ZFYVE26: variants seen among roughly 807,000 people sequenced by gnomAD.
ZFYVE26 encodes the protein zinc finger FYVE domain-containing protein 26.
ZFYVE26 carries 181 observed loss-of-function variants against 276.5 expected under a neutral mutation model. That is an observed-to-expected ratio of 0.65 (90% CI 0.58 to 0.74). The LOEUF is 0.74. Among genes scored for constraint, ZFYVE26 ranks in the 30% least tolerant of loss-of-function variants. The pLI, the probability that ZFYVE26 is intolerant of heterozygous loss-of-function variation, is 0.00. For missense variants in ZFYVE26, 2,821 were observed against 3,097.9 expected (o/e 0.91, Z 2.12); for synonymous variants, 1,129 against 1,203.1 (o/e 0.94, Z 1.27).
chr14:67,775,402 GC>G (rs1405394466), intron 26 of ZFYVE26, among the ~76,000 whole-genome samples: 39 of 152,334 alleles, frequency 2.6e-4, no homozygotes, highest in South Asian at 1.9e-3. Context: ...TTGAAATGAT[GC>G]CCCTGGAGAG....
chr14:67,729,968 T>G, intron 13 of ZFYVE26: 1 of 376,162 alleles, frequency 2.7e-6, no homozygotes, highest in East Asian at 7.2e-5. Context: ...GTTGTCCCGC[T>G]TTGTTCAAGG....
Position 67,767,787 on chromosome 14 carries a change from G to T in ZFYVE26, c.5707C>A (p.Pro1903Thr). Residue 1903 changes from proline (P) to threonine (T), a missense_variant, in exon 31 of 42, where the codon CCC becomes ACC. Coordinates refer to ENST00000347230, the MANE Select transcript of ZFYVE26 (RefSeq NM_015346.4). ...ATCCATTCCACCTCATCTGCTTTGGGGACTCTCACCACAAACGAGTATGGA... is the reference window on the plus strand; with the variant it reads ...ATCCATTCCACCTCATCTGCTTTGGTGACTCTCACCACAAACGAGTATGGA... ...SPPYSFVVRVPKADEVEWILD... is the reference protein window; with the variant it reads ...SPPYSFVVRVTKADEVEWILD... 6.2e-7 allele frequency: 1 copy of T among 1,614,074 alleles called. No homozygotes were observed. Among genetic ancestry groups the T allele is most frequent in the Non-Finnish European group, 8.5e-7 (1 of 1,180,032 alleles).
At chr14:67,733,252 G>T (rs2140161581) in intron 13 of ZFYVE26, among the ~76,000 whole-genome samples, 1 of 152,256 alleles carries the variant, frequency 6.6e-6, no homozygotes, top group South Asian at 2.1e-4. Context: ...TGGGGTTCAT[G>T]GTATGCAAGT....
chr14:67,776,049 G>C lies in ZFYVE26; in HGVS notation c.5032C>G (p.Pro1678Ala). The change falls in exon 26 of 42, where the codon CCC becomes GCC. Residue 1678 changes from proline (P) to alanine (A), a missense_variant. Transcript: ENST00000347230. ...RASYSHLSSN[P>A]LFMLEQLLMN... The stretch of plus-strand genomic sequence containing the variant: ...AGCAGCTGCTCCAGCATGAACAGGG[G>C]GTTAGAGGACAAGTGGGAATAGCTG... 6.2e-7 allele frequency: 1 copy of C among 1,614,246 alleles called. No homozygotes were observed. Among genetic ancestry groups the C allele is most frequent in the South Asian group, 1.1e-5 (1 of 91,084 alleles).
chr14:67,794,868 G>A (rs2039914793), intron 12 of ZFYVE26, among the ~76,000 whole-genome samples: 1 of 152,142 alleles, frequency 6.6e-6, no homozygotes, highest in South Asian at 2.1e-4. Context: ...AGGATTGTTT[G>A]AGCCCAGGAG....
At chr14:67,811,976 TA>T (rs2040312131) in intron 3 of ZFYVE26, among the ~76,000 whole-genome samples, 1 of 149,220 alleles carries the variant, frequency 6.7e-6, no homozygotes, top group African/African-American at 2.4e-5. Flanking sequence ...ATGAAATATA[TA>T]TTTTATATAT....
intron 14 of ZFYVE26, among the ~76,000 whole-genome samples, chr14:67,792,655 T>C (rs1230046337): frequency 1.3e-5 from 2 of 152,222 alleles, no homozygotes; most frequent in Non-Finnish European, 2.9e-5. Context: ...CTCATGCCTG[T>C]AATCCCAGCA....
chr14:67,805,087 T>G, intron 8 of ZFYVE26, 130 bp downstream of exon 8: 1 of 858,146 alleles, frequency 1.2e-6, no homozygotes. Context: ...GTTGGAACAA[T>G]TTTTAGTAGC....
At chr14:67,798,963 G>T in intron 10 of ZFYVE26, 1 of 1,129,230 alleles carries the variant, frequency 8.9e-7, no homozygotes, top group Non-Finnish European at 1.3e-6. Flanking sequence ...CCGCGGTTTC[G>T]GTGGGAGGGG....
rs866128127 is a variant in ZFYVE26 at position 67,759,622 on chromosome 14, C to A, written c.6588+1744G>T. Among the ~76,000 whole-genome samples, 759 of 106,988 alleles carry A rather than the reference C, an allele frequency of 7.1e-3. 1 individual carries two copies. The highest frequency in any genetic ancestry group is 7.5e-3 in the Non-Finnish European group (424 of 56,244). The allele number at this position is 106,988 out of a possible 152,430, so 70.2% of individuals were successfully genotyped here. ...CTGGCAACAGAGCAAGACTCTGGCT[C>A]AAAAAAAAAAAAAAAAAGTGCATGG... On this transcript the variant is annotated intron_variant, in intron 35 of 41. Coordinates refer to ENST00000347230, the MANE Select transcript of ZFYVE26 (RefSeq NM_015346.4).
rs571232938 is a variant in ZFYVE26, at chr14:67,797,489, T to C, written c.2332+183A>G. The C allele has an allele frequency of 5.6e-5, 39 of 691,562 alleles. No homozygotes were observed. In the Middle Eastern group the frequency reaches 2.2e-3, roughly 39 times the overall value. 42.8% of individuals were successfully genotyped at this position (691,562 alleles called of 1,614,324 possible). On this transcript the variant is annotated intron_variant, in intron 12 of 41. Coordinates refer to ENST00000347230, the MANE Select transcript of ZFYVE26 (RefSeq NM_015346.4). ...TATAAAAGGATATACATGTTTATAT[T>C]GCATGGAAAATTTCTGAAAGGATAC...
chr14:67,748,378 G>A lies in ZFYVE26; in HGVS notation c.*58C>T, dbSNP rs1378892877. 19 of 1,563,740 alleles carry A rather than the reference G, an allele frequency of 1.2e-5. No homozygotes were observed. The highest frequency in any genetic ancestry group is 2.7e-5 in the African/African-American group (2 of 74,040). ...CTGGAGGAAAGAGGTGGAGGGCATCGCCATCACTGCTGTTGCCCAGCTCTC... is the reference window on the plus strand; with the variant it reads ...CTGGAGGAAAGAGGTGGAGGGCATCACCATCACTGCTGTTGCCCAGCTCTC... On this transcript the variant is annotated 3_prime_UTR_variant, in exon 42 of 42. Coordinates refer to ENST00000347230, the MANE Select transcript of ZFYVE26 (RefSeq NM_015346.4).
chr14:67,742,159 T>C (rs535676331), downstream of ZFYVE26, among the ~76,000 whole-genome samples: 21 of 152,212 alleles, frequency 1.4e-4, no homozygotes, highest in African/African-American at 5.1e-4. Flanking sequence ...AAAGGACAAA[T>C]ACTGTATGAT....
At chr14:67,729,432 C>G (rs774592751) in exon 14 of ZFYVE26, 7 of 1,545,330 alleles carry the variant, frequency 4.5e-6, no homozygotes, top group Non-Finnish European at 5.3e-6. Flanking sequence ...TGGGAGGTGC[C>G]GGACTCGCTG....
intron 12 of ZFYVE26, chr14:67,797,435 C>A: frequency 1.8e-6 from 1 of 567,304 alleles, no homozygotes; most frequent in South Asian, 2.1e-5. Context: ...CTGCAGTTCT[C>A]AATATATAGT....
At position 67,798,405 on chromosome 14, in the gene ZFYVE26, G is replaced by T. The variant is rs764478609; in HGVS notation, c.1857C>A (p.Ser619Arg). The T allele has an allele frequency of 1.2e-6, 2 of 1,613,180 alleles. No homozygotes were observed. The highest frequency in any genetic ancestry group is 1.7e-5 in the Admixed American group (1 of 59,960). ...TTTCAGGATGTGCTATGTGCTGAGGGCTCTCTGATGGGGACCTCAAACCTG... is the reference window on the plus strand; with the variant it reads ...TTTCAGGATGTGCTATGTGCTGAGGTCTCTCTGATGGGGACCTCAAACCTG... ...SPSGLRSPSE[S>R]PQHIAHPERK... The change falls in exon 11 of 42, where the codon AGC (serine) becomes AGA (arginine). Residue 619 changes from serine to arginine, a missense_variant. Coordinates refer to ENST00000347230, the MANE Select transcript of ZFYVE26 (RefSeq NM_015346.4).
rs2039229226 is a variant in ZFYVE26, at chr14:67,772,194, A to G, written c.5337T>C (p.His1779=). The change falls in exon 28 of 42, where the codon CAT becomes CAC. Residue 1779 remains histidine, a synonymous_variant. Transcript: ENST00000347230. ...AACTCCTTTCCCTTAGACTAGGGGA[A>G]TGTATACTGGAGATACCTGGGAGGC... ...PAAPPGISSI[H]SPSLRERSFP... 1 of 1,613,180 alleles carries G rather than the reference A, an allele frequency of 6.2e-7. No individual in the cohort carries two copies.
At position 67,775,122 on chromosome 14, in the gene ZFYVE26, G is replaced by A. The variant is rs765966529; in HGVS notation, c.5222-8C>T. 16 of 1,589,406 alleles carry A rather than the reference G, an allele frequency of 1.0e-5. No homozygotes were observed. Among genetic ancestry groups the A allele is most frequent in the South Asian group, 4.5e-5 (4 of 88,420 alleles). On this transcript the variant is annotated splice_polypyrimidine_tract_variant and splice_region_variant and intron_variant, in intron 26 of 41. Coordinates refer to ENST00000347230, the MANE Select transcript of ZFYVE26 (RefSeq NM_015346.4). ...GGAGGTGAATCACAGAATCTGTAGAGAGGGAAAATGCTGACAAAATATGGT... is the reference window on the plus strand; with the variant it reads ...GGAGGTGAATCACAGAATCTGTAGAAAGGGAAAATGCTGACAAAATATGGT...
chr14:67,769,635 AG>A lies in ZFYVE26; in HGVS notation c.5579del (p.Pro1860LeufsTer27). On this transcript the variant is annotated frameshift_variant, in exon 29 of 42. Transcript: ENST00000347230. LOFTEE classifies it high-confidence loss of function. The part of the protein sequence containing the change: ...KMVVEGCREN[P>X]ARVCDQCYSY... ...TATAGCACTGATCACACACACGAGC[AG>A]GGTTCTCTCTGCAGCCTTCAACCAC... is the stretch of plus-strand genomic sequence containing the variant. The A allele has an allele frequency of 1.2e-6, 2 of 1,614,052 alleles. No individual in the cohort carries two copies. Among genetic ancestry groups the A allele is most frequent in the South Asian group, 1.1e-5 (1 of 91,078 alleles).
Sources: gnomAD v4.1 joint callset for allele counts (sites outside exome capture counted in the v4.1 genomes callset) on GRCh38, gnomAD v4.1.1 for gene constraint, MANE v1.5 for transcripts, NCBI Gene and HGNC (gene_info 2026-07-23, HGNC 2026-07-21) for gene names.